ZNF595: variants seen among roughly 807,000 people sequenced by gnomAD.
The protein encoded by ZNF595 is zinc finger protein 595.
In ZNF595, 9 loss-of-function variants were observed where a neutral mutation model predicts 19.4. The ratio of observed to expected loss-of-function variants is 0.46; its 90% CI spans 0.28 to 0.81. ZNF595 has a LOEUF of 0.81. Ranked by LOEUF, ZNF595 falls within the 30% of genes least tolerant of loss-of-function variation. The probability of loss-of-function intolerance (pLI) is 0.11; values close to 1 mark genes in which losing one functional copy is unlikely to be tolerated. For missense variants in ZNF595, 729 were observed against 736.0 expected, an observed-to-expected ratio of 0.99 and a Z score of 0.11; for synonymous variants, 255 against 255.9, an observed-to-expected ratio of 1.00 and a Z score of 0.03.
rs12505963 is a variant in ZNF595 at position 54,068 on chromosome 4, G to A, written c.3+577G>A. Among the ~76,000 whole-genome samples the A allele has an allele frequency of 7.0e-4, 14 of 20,006 alleles. No individual in the cohort carries two copies. The Admixed American group carries it at 7.4e-3, about 11-fold the overall frequency. 13.1% of individuals were successfully genotyped at this position (20,006 alleles called of 152,430 possible). ...TCCTGAGTAACATCTTTTAGAATACGCTGGTGTCGGTGCGCACGGCGCTTC... is the reference window on the plus strand; with the variant it reads ...TCCTGAGTAACATCTTTTAGAATACACTGGTGTCGGTGCGCACGGCGCTTC... On this transcript the variant is annotated intron_variant, in intron 1 of 3. Transcript: ENST00000610261.
Position 85,770 on chromosome 4 carries a change from A to C in ZNF595, c.266A>C (p.Gln89Pro), listed in dbSNP as rs782577356. 6.8e-6 allele frequency: 11 copies of C among 1,609,226 alleles called. No homozygotes were observed. The highest frequency in any genetic ancestry group is 9.3e-6 in the Non-Finnish European group (11 of 1,176,896). The change falls in exon 4 of 4, where the codon CAG (glutamine) becomes CCG (proline). Residue 89 changes from glutamine to proline, a missense_variant. Around this residue, in one of 2 missense-constraint regions of ZNF595, gnomAD observed 729 missense variants for 675.3 expected, o/e 1.08. Transcript: ENST00000610261. ...TTCAGCCAAGACCTTTCACCAGTGC[A>C]GGGGATAGAAGATTCATTCCACAAA... ...SPFSQDLSPV[Q>P]GIEDSFHKLI...
chr4:86,079 G>A lies in ZNF595; in HGVS notation c.575G>A (p.Gly192Glu). Reference sequence around the variant, plus strand: ...ATGTCACACCTAACTCAACATACAGGAATTCATGCTGGAGAGAAACCCTAC... The same window carrying A: ...ATGTCACACCTAACTCAACATACAGAAATTCATGCTGGAGAGAAACCCTAC... The part of the protein sequence containing the change: ...FYMSHLTQHT[G>E]IHAGEKPYKC... The change falls in exon 4 of 4, where the codon GGA becomes GAA. Residue 192 changes from glycine to glutamate, a missense_variant. Gly to Glu is a moderately conservative substitution (Grantham distance 98). Transcript: ENST00000610261. 6.2e-7 allele frequency: 1 copy of A among 1,613,204 alleles called. No homozygotes were observed. The highest frequency in any genetic ancestry group is 2.2e-5 in the East Asian group (1 of 44,850).
chr4:75,540 A>G (rs1237296366), intron 3 of ZNF595, among the ~76,000 whole-genome samples: 1 of 152,250 alleles, frequency 6.6e-6, no homozygotes, highest in Non-Finnish European at 1.5e-5. Flanking sequence ...GTTAAATTTT[A>G]ACATGAATTT....
At chr4:81,816 GC>G (rs1180232758) in intron 3 of ZNF595, among the ~76,000 whole-genome samples, 5 of 152,052 alleles carry the variant, frequency 3.3e-5, no homozygotes, top group Non-Finnish European at 7.4e-5. Flanking sequence ...ACTTCATGTT[GC>G]ACAATGTCAT....
intron 3 of ZNF595, among the ~76,000 whole-genome samples, chr4:83,321 G>T (rs782820775): frequency 2.4e-4 from 37 of 151,956 alleles, no homozygotes; most frequent in Non-Finnish European, 4.6e-4. Flanking sequence ...AGTGACTCTT[G>T]TGAAAAAGCA....
intron 3 of ZNF595, among the ~76,000 whole-genome samples, chr4:70,718 T>C (rs572362912): frequency 1.3e-5 from 2 of 152,240 alleles, no homozygotes; most frequent in Admixed American, 6.5e-5. Flanking sequence ...CTCTACTGTT[T>C]TACTGATCAG....
intron 3 of ZNF595, among the ~76,000 whole-genome samples, chr4:81,323 A>G (rs1553799883): frequency 6.6e-6 from 1 of 152,128 alleles, no homozygotes; most frequent in Non-Finnish European, 1.5e-5. Flanking sequence ...GTTTATCTGT[A>G]TGCATATTGT....
At chr4:71,813 A>T (rs1713443825) in intron 3 of ZNF595, among the ~76,000 whole-genome samples, 1 of 152,218 alleles carries the variant, frequency 6.6e-6, no homozygotes, top group Admixed American at 6.5e-5. Flanking sequence ...AGGCAGAAAT[A>T]ATTCCTACCA....
At chr4:77,380 G>T (rs1713716634) in intron 3 of ZNF595, among the ~76,000 whole-genome samples, 1 of 150,854 alleles carries the variant, frequency 6.6e-6, no homozygotes. Context: ...TAATTATTTT[G>T]ACTTCTTAGC....
At chr4:82,564 G>C (rs923121548) in intron 3 of ZNF595, among the ~76,000 whole-genome samples, 1 of 151,332 alleles carries the variant, frequency 6.6e-6, no homozygotes, top group Non-Finnish European at 1.5e-5. Flanking sequence ...TTGTAATTTT[G>C]GTAGAGATGG....
At chr4:82,674 G>A (rs1419559702) in intron 3 of ZNF595, among the ~76,000 whole-genome samples, 8 of 151,854 alleles carry the variant, frequency 5.3e-5, no homozygotes, top group African/African-American at 1.9e-4. Context: ...ATGAGCCACT[G>A]CACCCAGCCA....
intron 3 of ZNF595, among the ~76,000 whole-genome samples, chr4:74,326 C>CTA (rs1261058542): frequency 6.6e-6 from 1 of 151,964 alleles, no homozygotes. Flanking sequence ...GAAATGTTAC[C>CTA]TATATATGTC....
In ZNF595 at chr4:86,094, A is replaced by G. The variant is rs1553801205; in HGVS notation, c.590A>G (p.Glu197Gly). 5 of 1,613,662 alleles carry G rather than the reference A, an allele frequency of 3.1e-6. No homozygotes were observed. The highest frequency in any genetic ancestry group is 4.2e-6 in the Non-Finnish European group (5 of 1,179,758). ...CAACATACAGGAATTCATGCTGGAG[A>G]GAAACCCTACAAATGTGAAAAATGT... ...LTQHTGIHAG[E>G]KPYKCEKCGK... is the part of the protein sequence containing the mutation. The change falls in exon 4 of 4, where the codon GAG (glutamate) becomes GGG (glycine). Residue 197 changes from glutamate (E) to glycine (G), a missense_variant. Coordinates refer to ENST00000610261, the MANE Select transcript of ZNF595 (RefSeq NM_182524.4).
intron 3 of ZNF595, among the ~76,000 whole-genome samples, chr4:61,030 A>C (rs1581322679): frequency 6.6e-6 from 1 of 152,282 alleles, no homozygotes. Flanking sequence ...AAGAAACAAG[A>C]AATAGGTTTG....
chr4:75,997 T>G (rs1264773267), intron 3 of ZNF595, among the ~76,000 whole-genome samples: 1 of 152,120 alleles, frequency 6.6e-6, no homozygotes, highest in Non-Finnish European at 1.5e-5. Context: ...CTCAAGCAAT[T>G]CTCCAGTCGC....
At chr4:80,179 T>A (rs949108429) in intron 3 of ZNF595, among the ~76,000 whole-genome samples, 4 of 152,196 alleles carry the variant, frequency 2.6e-5, no homozygotes, top group Non-Finnish European at 5.9e-5. Flanking sequence ...TGCACCACCA[T>A]GCCCGGCTAA....
rs954227732 is a variant in ZNF595 at position 87,174 on chromosome 4, T to C, written c.1670T>C (p.Ile557Thr). ...ACAGCCCTGAATGAACATAAGAAAA[T>C]TCATTCTGGAGAGAAACCCTACAAA... ...RSTALNEHKK[I>T]HSGEKPYKCK... is the part of the protein sequence containing the mutation. Residue 557 changes from isoleucine (I) to threonine (T), a missense_variant, in exon 4 of 4, where the codon ATT (isoleucine) becomes ACT (threonine). By Grantham distance (89) the Ile-to-Thr change is moderately conservative. Around this residue, in one of 2 missense-constraint regions of ZNF595, gnomAD observed 729 missense variants for 675.3 expected, o/e 1.08. Transcript: ENST00000610261. The C allele has an allele frequency of 6.2e-7, 1 of 1,613,816 alleles. No homozygotes were observed. Among genetic ancestry groups the C allele is most frequent in the Non-Finnish European group, 8.5e-7 (1 of 1,179,830 alleles).
chr4:78,886 T>C (rs1713785323), intron 3 of ZNF595, among the ~76,000 whole-genome samples: 1 of 152,170 alleles, frequency 6.6e-6, no homozygotes, highest in African/African-American at 2.4e-5. Context: ...AGAGACATGG[T>C]TTCTCCAAGT....
chr4:81,795 A>T (rs1186604406), intron 3 of ZNF595, among the ~76,000 whole-genome samples: 1 of 152,116 alleles, frequency 6.6e-6, no homozygotes, highest in African/African-American at 2.4e-5. Context: ...GTTTCTCTTC[A>T]TGGTTGACTT....
Sources: gnomAD v4.1 joint callset for allele counts (sites outside exome capture counted in the v4.1 genomes callset) on GRCh38, gnomAD v4.1.1 for gene constraint, gnomAD v4.1.1 regional missense constraint, MANE v1.5 for transcripts, NCBI Gene and HGNC (gene_info 2026-07-23, HGNC 2026-07-21) for gene names.